The following SBK2 variants were observed in gnomAD, a reference collection of about 807,000 sequenced individuals.
SBK2 encodes SH3 domain binding kinase family member 2, also known as serine/threonine-protein kinase SBK2.
SBK2 carries 18 observed loss-of-function variants against 15.9 expected under a neutral mutation model. That is an observed-to-expected ratio of 1.13 (90% CI 0.78 to 1.68). SBK2 has a LOEUF of 1.68. Ranked by LOEUF, SBK2 falls within the 40% of genes most tolerant of loss-of-function variation. The pLI, the probability that SBK2 is intolerant of heterozygous loss-of-function variation, is 0.00. For synonymous variants in SBK2, 284 were observed against 246.8 expected, an observed-to-expected ratio of 1.15 and a Z score of -1.41; for missense variants, 581 against 510.9, an observed-to-expected ratio of 1.14 and a Z score of -1.32.
At position 55,536,307 on chromosome 19, in the gene SBK2, A is replaced by G; in HGVS notation, c.-2-11T>C. 6.6e-7 allele frequency: 1 copy of G among 1,526,698 alleles called. No individual in the cohort carries two copies. Among genetic ancestry groups the G allele is most frequent in the Non-Finnish European group, 8.8e-7 (1 of 1,134,176 alleles). 94.6% of individuals were successfully genotyped at this position (1,526,698 alleles called of 1,614,324 possible). On this transcript the variant is annotated splice_polypyrimidine_tract_variant and intron_variant, in intron 1 of 3. Coordinates refer to ENST00000413299, the MANE Select transcript of SBK2 (RefSeq NM_001370096.2). ...GTTTGCCGGGCATCTCTGCGAGAAC[A>G]GAGAGGGGTGCCCAGGCTCAGGTCC...
chr19:55,530,332 A>G lies in SBK2; in HGVS notation c.457-9T>C. 7.2e-7 allele frequency: 1 copy of G among 1,396,690 alleles called. No individual in the cohort carries two copies. The highest frequency in any genetic ancestry group is 9.3e-7 in the Non-Finnish European group (1 of 1,078,614). 86.5% of individuals were successfully genotyped at this position (1,396,690 alleles called of 1,614,324 possible). A position where few individuals can be genotyped will look rare whatever the true frequency, so the allele number is the denominator to read the frequency against. On this transcript the variant is annotated splice_polypyrimidine_tract_variant and intron_variant, in intron 3 of 3. Coordinates refer to ENST00000413299, the MANE Select transcript of SBK2 (RefSeq NM_001370096.2). ...GGCTGCGGGAGGCCCACCTGCGGGGAGAGGGGTCAGGGCCCAGTGCCCCGG... is the reference window on the plus strand; with the variant it reads ...GGCTGCGGGAGGCCCACCTGCGGGGGGAGGGGTCAGGGCCCAGTGCCCCGG...
At chr19:55,534,917 C>CG (rs1485614122) in intron 2 of SBK2, among the ~76,000 whole-genome samples, 1 of 150,946 alleles carries the variant, frequency 6.6e-6, no homozygotes, top group African/African-American at 2.4e-5. Context: ...CCCAGCTACT[C>CG]GGGGGGCTGA....
Position 55,535,279 on chromosome 19 carries a change from C to T in SBK2, c.253+763G>A, listed in dbSNP as rs116577248. 5.5e-3 allele frequency among the ~76,000 whole-genome samples: 836 copies of T among 152,168 alleles called. 7 individuals are homozygous for T. The highest frequency in any genetic ancestry group is 0.019 in the African/African-American group (784 of 41,538). ...CTATTTTCCGTTTCATGGAAGGACA[C>T]GGTGCTTGGCAGAAAGGCCCAGGGT... is the stretch of plus-strand genomic sequence containing the variant. On this transcript the variant is annotated intron_variant, in intron 2 of 3. Transcript: ENST00000413299.
rs369989745 is a variant in SBK2 at position 55,531,318 on chromosome 19, G to C, written c.281C>G (p.Pro94Arg). ...KGTPLALKQLPKPRTSLRGFL... is the reference protein window; with the variant it reads ...KGTPLALKQLRKPRTSLRGFL... The stretch of plus-strand genomic sequence containing the variant: ...GCCACGGAGGGACGTGCGGGGTTTC[G>C]GGAGCTGCTTCAGTGCCAGGGGTGT... The change falls in exon 3 of 4, where the codon CCG becomes CGG. Residue 94 changes from proline (P) to arginine (R), a missense_variant. Coordinates refer to ENST00000413299, the MANE Select transcript of SBK2 (RefSeq NM_001370096.2). The C allele has an allele frequency of 6.2e-7, 1 of 1,610,196 alleles. No individual in the cohort carries two copies. Among genetic ancestry groups the C allele is most frequent in the Middle Eastern group, 1.7e-4 (1 of 6,044 alleles).
At position 55,530,222 on chromosome 19, in the gene SBK2, C is replaced by T. The variant is rs572982476; in HGVS notation, c.558G>A (p.Pro186=). The T allele has an allele frequency of 3.7e-5, 57 of 1,534,846 alleles. No homozygotes were observed. In the South Asian group the frequency reaches 4.2e-4, roughly 11 times the overall value. The change falls in exon 4 of 4, where the codon CCG becomes CCA. Residue 186 remains proline, a synonymous_variant. Coordinates refer to ENST00000413299, the MANE Select transcript of SBK2 (RefSeq NM_001370096.2). ...CCGGGTCGCACACCAGGACGTTCTC[C>T]GGCTTCAGGTCCCGGTACACCAGGC... is the stretch of plus-strand genomic sequence containing the variant. ...ARGLVYRDLK[P]ENVLVCDPAC...
chr19:55,534,423 T>G (rs77590569), intron 2 of SBK2, among the ~76,000 whole-genome samples: 6,530 of 152,122 alleles, frequency 0.043, 273 homozygotes, highest in East Asian at 0.12. Context: ...AGAGCTCTGT[T>G]GTTGGCCAGG....
In SBK2 at chr19:55,529,959, T is replaced by C; in HGVS notation, c.821A>G (p.Tyr274Cys). ...CGCCTGCCAGATGAGGAAGTCCTCG[T>C]AGAAGGGGTCGGCCTCGGCCAGGGG... ...DRPLAEADPF[Y>C]EDFLIWQASG... The change falls in exon 4 of 4, where the codon TAC becomes TGC. Residue 274 changes from tyrosine (Y) to cysteine (C), a missense_variant. By Grantham distance (194) the Tyr-to-Cys change is radical. Transcript: ENST00000413299. 6.5e-7 allele frequency: 1 copy of C among 1,532,750 alleles called. No individual in the cohort carries two copies. The highest frequency in any genetic ancestry group is 8.8e-7 in the Non-Finnish European group (1 of 1,142,220). 94.9% of individuals were successfully genotyped at this position (1,532,750 alleles called of 1,614,324 possible). A position where few individuals can be genotyped will look rare whatever the true frequency, so the allele number is the denominator to read the frequency against.
In SBK2 at chr19:55,530,001, T is replaced by C. The variant is rs754533538; in HGVS notation, c.779A>G (p.Tyr260Cys). ...GVLLFCLLTGYFPWDRPLAEA... is the reference protein window; with the variant it reads ...GVLLFCLLTGCFPWDRPLAEA... The stretch of plus-strand genomic sequence containing the variant: ...GGCCAGGGGCCGGTCCCAGGGGAAG[T>C]AGCCCGTGAGGAGGCAGAAGAGCAG... Residue 260 changes from tyrosine to cysteine, a missense_variant, in exon 4 of 4, where the codon TAC (tyrosine) becomes TGC (cysteine). Physicochemically the swap from Tyr to Cys is radical, Grantham distance 194. Coordinates refer to ENST00000413299, the MANE Select transcript of SBK2 (RefSeq NM_001370096.2). 12 of 1,522,506 alleles carry C rather than the reference T, an allele frequency of 7.9e-6. No individual in the cohort carries two copies. The highest frequency in any genetic ancestry group is 2.8e-5 in the African/African-American group (2 of 70,778). 94.3% of individuals were successfully genotyped at this position (1,522,506 alleles called of 1,614,324 possible). A position where few individuals can be genotyped will look rare whatever the true frequency, so the allele number is the denominator to read the frequency against.
intron 3 of SBK2, 55 bp downstream of exon 3, chr19:55,531,088 C>T (rs1988244985): frequency 1.3e-6 from 2 of 1,522,334 alleles, no homozygotes; most frequent in African/African-American, 1.4e-5. Flanking sequence ...CTGCTCAGGA[C>T]GTTCCTGGGA....
intron 1 of SBK2, among the ~76,000 whole-genome samples, chr19:55,536,500 G>A (rs771735149): frequency 2.7e-4 from 41 of 149,708 alleles, no homozygotes; most frequent in Non-Finnish European, 4.6e-4. Context: ...CCCTGCCCGC[G>A]TGCCGCCGCC....
chr19:55,530,044 C>A lies in SBK2; in HGVS notation c.736G>T (p.Ala246Ser), dbSNP rs752405949. The change falls in exon 4 of 4, where the codon GCC becomes TCC. Residue 246 changes from alanine (A) to serine (S), a missense_variant. By Grantham distance (99) the Ala-to-Ser change is moderately conservative. Transcript: ENST00000413299. ...AAGAGCAGGACGCCCAGCGCCCAGG[C>A]GTCCAGGGCGGGCTGAATGGGCAGG... ...EGLPIQPALD[A>S]WALGVLLFCL... The A allele has an allele frequency of 6.8e-6, 10 of 1,477,100 alleles. No individual in the cohort carries two copies. The South Asian group carries it at 1.3e-4, about 20-fold the overall frequency. The allele number at this position is 1,477,100 out of a possible 1,614,324, so 91.5% of individuals were successfully genotyped here. A position where few individuals can be genotyped will look rare whatever the true frequency, so the allele number is the denominator to read the frequency against.
chr19:55,535,969 C>T, intron 2 of SBK2, 73 bp downstream of exon 2: 2 of 1,354,186 alleles, frequency 1.5e-6, no homozygotes, highest in Non-Finnish European at 1.9e-6. Flanking sequence ...CCAGCCTCCC[C>T]AGCCTGGGCT....
rs1988202000 is a variant in SBK2, at chr19:55,529,902, C to A, written c.878G>T (p.Trp293Leu). The change falls in exon 4 of 4, where the codon TGG becomes TTG. Residue 293 changes from tryptophan to leucine, a missense_variant. By Grantham distance (61) the Trp-to-Leu change is moderately conservative. Coordinates refer to ENST00000413299, the MANE Select transcript of SBK2 (RefSeq NM_001370096.2). Reference protein sequence around the residue: ...SGQPRDRPQPWFGLAAAADAL... With the variant: ...SGQPRDRPQPLFGLAAAADAL... ...GTCGGCCGCGGCGGCCAGGCCGAAC[C>A]AGGGCTGAGGGCGGTCCCGGGGCTG... 6.4e-7 allele frequency: 1 copy of A among 1,568,868 alleles called. No individual in the cohort carries two copies. Among genetic ancestry groups the A allele is most frequent in the South Asian group, 1.2e-5 (1 of 86,192 alleles).
At chr19:55,536,420 C>T (rs1988408224) in intron 1 of SBK2, 124 bp from the exon 2 acceptor site, 2 of 688,006 alleles carry the variant, frequency 2.9e-6, no homozygotes, top group Non-Finnish European at 3.9e-6. Context: ...CTCATTGTGA[C>T]TCAGTCTCCC....
At chr19:55,531,417 C>T (rs944126543) in intron 2 of SBK2, 72 bp from the exon 3 acceptor site, 3 of 1,206,980 alleles carry the variant, frequency 2.5e-6, no homozygotes, top group African/African-American at 3.0e-5. Context: ...CTCTGTTCCC[C>T]TGTGGTCCCC....
chr19:55,529,740 C>A lies in SBK2; in HGVS notation c.1040G>T (p.Gly347Val). ...GCATCCCCCGGGGCCTCCTCACTGC[C>A]CAGCCTCCTCTTCCACCGCTCCCAC... ...EAVGAVEEEAGQ is the reference protein window; with the variant it reads ...EAVGAVEEEAVQ The change falls in exon 4 of 4, where the codon GGG becomes GTG. Residue 347 changes from glycine to valine, a missense_variant. Coordinates refer to ENST00000413299, the MANE Select transcript of SBK2 (RefSeq NM_001370096.2). 6 of 1,600,418 alleles carry A rather than the reference C, an allele frequency of 3.7e-6. No individual in the cohort carries two copies. The highest frequency in any genetic ancestry group is 1.3e-5 in the African/African-American group (1 of 74,922).
rs2123474906 is a variant in SBK2 at position 55,530,125 on chromosome 19, G to A, written c.655C>T (p.Pro219Ser). ...TCGGGGGCCGTGTAGGGGATGGGCG[G>A]CCCGGCCAGGCGCAGCAGCGTCCCG... is the stretch of plus-strand genomic sequence containing the variant. ...PRGTLLRLAG[P>S]PIPYTAPELC... is the part of the protein sequence containing the mutation. Residue 219 changes from proline to serine, a missense_variant, in exon 4 of 4, where the codon CCG (proline) becomes TCG (serine). Transcript: ENST00000413299. 1.4e-6 allele frequency: 2 copies of A among 1,462,172 alleles called. No individual in the cohort carries two copies. Among genetic ancestry groups the A allele is most frequent in the Non-Finnish European group, 9.0e-7 (1 of 1,111,206 alleles). 90.6% of individuals were successfully genotyped at this position (1,462,172 alleles called of 1,614,324 possible).
In SBK2 at chr19:55,531,125, TG is replaced by T. The variant is rs1346823995; in HGVS notation, c.456+17del. ...GCCGGTGAGGCACTCGGAGGCGGCC[TG>T]GGGTCTGCCTACGCACCTTGGGCTG... is the stretch of plus-strand genomic sequence containing the variant. On this transcript the variant is annotated intron_variant, in intron 3 of 3. Transcript: ENST00000413299. 1 of 1,604,386 alleles carries T rather than the reference TG, an allele frequency of 6.2e-7. No homozygotes were observed. Among genetic ancestry groups the T allele is most frequent in the Admixed American group, 1.7e-5 (1 of 59,944 alleles).
In SBK2 at chr19:55,528,777, A is replaced by C. The variant is rs1988172190; in HGVS notation, c.*956T>G. On this transcript the variant is annotated 3_prime_UTR_variant, in exon 4 of 4. Coordinates refer to ENST00000413299, the MANE Select transcript of SBK2 (RefSeq NM_001370096.2). The stretch of plus-strand genomic sequence containing the variant: ...GAGGCTGCGCCACACCAGACAGGCT[A>C]ATTTATTTAACAGACATTTCCTGAT... 6.6e-6 allele frequency among the ~76,000 whole-genome samples: 1 copy of C among 152,134 alleles called. No individual in the cohort carries two copies. Among genetic ancestry groups the C allele is most frequent in the Non-Finnish European group, 1.5e-5 (1 of 68,028 alleles).
Sources: allele counts gnomAD v4.1 joint callset (sites outside exome capture counted in the v4.1 genomes callset), GRCh38; gene constraint gnomAD v4.1.1; transcripts MANE v1.5; gene names NCBI Gene and HGNC (gene_info 2026-07-23, HGNC 2026-07-21).